Variants in MMP2 observed in about 807,000 individuals in gnomAD.
MMP2 encodes the protein matrix metallopeptidase 2.
Under a neutral mutation model 74.8 loss-of-function variants are expected in MMP2, and 39 were observed. The ratio of observed to expected loss-of-function variants is 0.52; its 90% CI spans 0.40 to 0.68. MMP2 has a LOEUF of 0.68. Ranked by LOEUF, MMP2 falls within the 30% of genes least tolerant of loss-of-function variation. The pLI is 0.00. For missense variants in MMP2, 803 were observed against 878.3 expected (o/e 0.91, Z 1.08); for synonymous variants, 367 against 339.8 (o/e 1.08, Z -0.88).
intron 7 of MMP2, 84 bp downstream of exon 7, chr16:55,489,908 C>T (rs1255962791): frequency 8.8e-6 from 13 of 1,476,814 alleles, no homozygotes; most frequent in Non-Finnish European, 1.2e-5. Context: ...TGAGACCTCA[C>T]CCACTTCAAG....
At position 55,479,572 on chromosome 16, in the gene MMP2, G is replaced by A. The variant is rs575398965; in HGVS notation, c.93G>A (p.Pro31=). The A allele has an allele frequency of 2.7e-5, 44 of 1,613,472 alleles. 1 individual carries two copies. In the South Asian group the frequency reaches 3.8e-4, roughly 14 times the overall value. The change falls in exon 1 of 13, where the codon CCG becomes CCA. Residue 31 remains proline, a synonymous_variant. Coordinates refer to ENST00000219070, the MANE Select transcript of MMP2 (RefSeq NM_004530.6). ...GCLLSHAAAA[P]SPIIKFPGDV... is the part of the protein sequence containing the mutation. ...TGCTGAGCCACGCCGCCGCCGCGCC[G>A]TCGCCCATCATCAAGTTCCCCGGCG...
At chr16:55,500,483 G>A (rs939649028) in intron 11 of MMP2, among the ~76,000 whole-genome samples, 8 of 99,466 alleles carry the variant, frequency 8.0e-5, no homozygotes, top group African/African-American at 1.2e-4. Flanking sequence ...GATTGTGTGC[G>A]CATGTGCGCA....
intron 9 of MMP2, among the ~76,000 whole-genome samples, chr16:55,495,184 C>T (rs1962502050): frequency 1.3e-5 from 2 of 152,216 alleles, no homozygotes. Context: ...GGATATATAA[C>T]AGCAGATGTC....
chr16:55,485,446 GC>G lies in MMP2; in HGVS notation c.658+20del, dbSNP rs376327288. On this transcript the variant is annotated intron_variant, in intron 4 of 12. Coordinates refer to ENST00000219070, the MANE Select transcript of MMP2 (RefSeq NM_004530.6). ...GGCCAAGGTGAGAAAGGGGCCCTCT[GC>G]ATGCCCCAGACCTTCTCTCCTGTCC... 8.3e-5 allele frequency: 134 copies of G among 1,614,066 alleles called. 1 individual carries two copies. In the African/African-American group the frequency reaches 1.5e-3, roughly 18 times the overall value.
At chr16:55,492,123 G>C (rs1411909833) in intron 8 of MMP2, among the ~76,000 whole-genome samples, 167 bp downstream of exon 8, 2 of 152,162 alleles carry the variant, frequency 1.3e-5, no homozygotes, top group African/African-American at 4.8e-5. Context: ...AGGCAGAGCA[G>C]CTCTCCAAGG....
rs185917725 is a variant in MMP2, at chr16:55,506,489, G to C, written c.*1047G>C. 4.6e-5 allele frequency: 7 copies of C among 152,324 alleles called. No homozygotes were observed. The East Asian group carries it at 1.2e-3, about 25-fold the overall frequency. 9.4% of individuals were successfully genotyped at this position (152,324 alleles called of 1,614,324 possible). A position where few individuals can be genotyped will look rare whatever the true frequency, so the allele number is the denominator to read the frequency against. ...TTATTGTGGCATCTGTTCGAGGTTT[G>C]CTTCCTCTTTAAGTCTGTTTCTTCA... On this transcript the variant is annotated 3_prime_UTR_variant, in exon 13 of 13. Transcript: ENST00000219070.
chr16:55,482,339 A>T (rs17859857), intron 1 of MMP2, among the ~76,000 whole-genome samples: 1,889 of 152,312 alleles, frequency 0.012, 21 homozygotes, highest in Middle Eastern at 0.024. Flanking sequence ...CTACTGCCAG[A>T]GCCCATGCAC....
At chr16:55,497,107 C>T (rs1232670722) in intron 10 of MMP2, 45 bp downstream of exon 10, 2 of 1,612,984 alleles carry the variant, frequency 1.2e-6, no homozygotes, top group Admixed American at 1.7e-5. Flanking sequence ...CCACAGGGCT[C>T]TGCACCAGGG....
intron 12 of MMP2, 133 bp from the exon 13 acceptor site, chr16:55,505,206 C>T (rs1160306980): frequency 2.7e-5 from 22 of 825,826 alleles, no homozygotes; most frequent in Non-Finnish European, 4.5e-5. Flanking sequence ...CCTCCTGCCT[C>T]AGCCTTTCAA....
In MMP2 at chr16:55,498,415, A is replaced by T. The variant is rs757889297; in HGVS notation, c.1736A>T (p.Lys579Met). Residue 579 changes from lysine (K) to methionine (M), a missense_variant, in exon 11 of 13, where the codon AAG (lysine) becomes ATG (methionine). Lys to Met is a moderately conservative substitution (Grantham distance 95, BLOSUM62 -1). This residue lies in a region of MMP2 where 555 missense variants were observed against 592.0 expected (regional missense o/e 0.94). Coordinates refer to ENST00000219070, the MANE Select transcript of MMP2 (RefSeq NM_004530.6). ...DAAFNWSKNK[K>M]TYIFAGDKFW... Reference sequence around the variant, plus strand: ...GCCTTTAACTGGAGCAAAAACAAGAAGACATACATCTTTGCTGGAGACAAA... The same window carrying T: ...GCCTTTAACTGGAGCAAAAACAAGATGACATACATCTTTGCTGGAGACAAA... 8 of 1,614,114 alleles carry T rather than the reference A, an allele frequency of 5.0e-6. No individual in the cohort carries two copies. In the South Asian group the frequency reaches 7.7e-5, roughly 16 times the overall value.
rs1444244415 is a variant in MMP2, at chr16:55,489,904, C to T, written c.1180+80C>T. ...CTTGCTCCAAAAACCTTCCTGAGAC[C>T]TCACCCACTTCAAGCATAGACACTG... On this transcript the variant is annotated intron_variant, in intron 7 of 12. Coordinates refer to ENST00000219070, the MANE Select transcript of MMP2 (RefSeq NM_004530.6). 5.4e-6 allele frequency: 8 copies of T among 1,494,430 alleles called. No homozygotes were observed. The South Asian group carries it at 9.5e-5, about 18-fold the overall frequency. The allele number at this position is 1,494,430 out of a possible 1,614,324, so 92.6% of individuals were successfully genotyped here.
intron 7 of MMP2, among the ~76,000 whole-genome samples, chr16:55,490,129 C>T (rs1962368626): frequency 6.6e-6 from 1 of 152,202 alleles, no homozygotes; most frequent in African/African-American, 2.4e-5. Flanking sequence ...CTCTTGTCTT[C>T]CCCTTCAGCC....
intron 11 of MMP2, 132 bp downstream of exon 11, chr16:55,498,580 A>C (rs1353579284): frequency 8.6e-7 from 1 of 1,163,510 alleles, no homozygotes; most frequent in Non-Finnish European, 1.3e-6. Flanking sequence ...CTGGTATCTA[A>C]CCTCTTTGGT....
chr16:55,491,940 C>T lies in MMP2; in HGVS notation c.1320C>T (p.Gly440=). 1 of 1,446,900 alleles carries T rather than the reference C, an allele frequency of 6.9e-7. No individual in the cohort carries two copies. The highest frequency in any genetic ancestry group is 9.3e-7 in the Non-Finnish European group (1 of 1,076,080). 89.6% of individuals were successfully genotyped at this position (1,446,900 alleles called of 1,614,324 possible). A position where few individuals can be genotyped will look rare whatever the true frequency, so the allele number is the denominator to read the frequency against. The part of the protein sequence containing the change: ...NFRLSQDDIK[G]IQELYGASPD... ...GTCTGTCCCAGGATGACATCAAGGGCATTCAGGAGCTCTATGGTAAACCTC... is the reference window on the plus strand; with the variant it reads ...GTCTGTCCCAGGATGACATCAAGGGTATTCAGGAGCTCTATGGTAAACCTC... The change falls in exon 8 of 13, where the codon GGC becomes GGT. Residue 440 remains glycine (G), a synonymous_variant. Coordinates refer to ENST00000219070, the MANE Select transcript of MMP2 (RefSeq NM_004530.6).
chr16:55,489,502 CAG>C (rs1380965097), intron 6 of MMP2, 147 bp from the exon 7 acceptor site: 8 of 927,516 alleles, frequency 8.6e-6, no homozygotes, highest in African/African-American at 1.6e-5. Flanking sequence ...AGGCTGTTGT[CAG>C]GGGTGGGTGA....
At chr16:55,504,391 T>C (rs1311008195) in intron 12 of MMP2, among the ~76,000 whole-genome samples, 2 of 152,174 alleles carry the variant, frequency 1.3e-5, no homozygotes, top group African/African-American at 4.8e-5. Context: ...ACATGGAATG[T>C]GCTTAGTTTG....
chr16:55,485,480 A>T (rs761084245), intron 4 of MMP2, 53 bp downstream of exon 4: 15 of 1,613,452 alleles, frequency 9.3e-6, no homozygotes, highest in Middle Eastern at 1.7e-4. Flanking sequence ...TCCTCTCTCC[A>T]CTCCATTTGC....
In MMP2 at chr16:55,505,524, G is replaced by A; in HGVS notation, c.*82G>A. On this transcript the variant is annotated 3_prime_UTR_variant, in exon 13 of 13. Transcript: ENST00000219070. Reference sequence around the variant, plus strand: ...GGAGAACTAGAGAAGGACCCGGAGGGGCCTGGCAGCCGTGCCTTCAGCTCT... The same window carrying A: ...GGAGAACTAGAGAAGGACCCGGAGGAGCCTGGCAGCCGTGCCTTCAGCTCT... 8.2e-7 allele frequency: 1 copy of A among 1,225,572 alleles called. No homozygotes were observed. Among genetic ancestry groups the A allele is most frequent in the African/African-American group, 1.5e-5 (1 of 67,366 alleles). 75.9% of individuals were successfully genotyped at this position (1,225,572 alleles called of 1,614,324 possible). A position where few individuals can be genotyped will look rare whatever the true frequency, so the allele number is the denominator to read the frequency against.
chr16:55,490,842 T>C (rs1486935666), intron 7 of MMP2, among the ~76,000 whole-genome samples: 1 of 152,096 alleles, frequency 6.6e-6, no homozygotes. Context: ...TATCCAGAGC[T>C]CAGTGGCTCA....
Sources: allele counts gnomAD v4.1 joint callset (sites outside exome capture counted in the v4.1 genomes callset), GRCh38; gene constraint gnomAD v4.1.1; regional missense constraint gnomAD v4.1.1; transcripts MANE v1.5; gene names NCBI Gene and HGNC (gene_info 2026-07-23, HGNC 2026-07-21).